The following GARNL3 variants were observed in gnomAD, a reference collection of about 807,000 sequenced individuals.
GARNL3 encodes GTPase activating Rap/RanGAP domain like 3.
In GARNL3, 63 loss-of-function variants were observed where a neutral mutation model predicts 125.0. The observed-to-expected ratio is 0.50, with a 90% CI of 0.41 to 0.62. The LOEUF (loss-of-function observed/expected upper bound fraction) is 0.62. Ranked by LOEUF, GARNL3 falls within the 20% of genes least tolerant of loss-of-function variation. The pLI, the probability that GARNL3 is intolerant of heterozygous loss-of-function variation, is 0.00. For synonymous variants in GARNL3, 439 were observed against 457.5 expected, an observed-to-expected ratio of 0.96 and a Z score of 0.52; for missense variants, 994 against 1,244.0, an observed-to-expected ratio of 0.80 and a Z score of 3.02.
At position 127,291,226 on chromosome 9, in the gene GARNL3, A is replaced by G. The variant is rs1241642760; in HGVS notation, c.203A>G (p.Asn68Ser). The G allele has an allele frequency of 1.2e-6, 2 of 1,614,004 alleles. No individual in the cohort carries two copies. Among genetic ancestry groups the G allele is most frequent in the Non-Finnish European group, 8.5e-7 (1 of 1,179,984 alleles). ...IQRAGRFRVE[N>S]GSSDENATAL... Reference sequence around the variant, plus strand: ...AGGGCTGGAAGATTCAGAGTGGAAAATGGCTCTTCAGATGAGGTAAGGAAG... The same window carrying G: ...AGGGCTGGAAGATTCAGAGTGGAAAGTGGCTCTTCAGATGAGGTAAGGAAG... The change falls in exon 2 of 28, where the codon AAT becomes AGT. Residue 68 changes from asparagine to serine, a missense_variant. Physicochemically the swap from Asn to Ser is conservative, Grantham distance 46 (BLOSUM62 1). Coordinates refer to ENST00000373387, the MANE Select transcript of GARNL3 (RefSeq NM_032293.5).
intron 2 of GARNL3, among the ~76,000 whole-genome samples, chr9:127,247,056 G>A (rs936673373): frequency 5.3e-5 from 8 of 151,158 alleles, no homozygotes; most frequent in African/African-American, 1.9e-4. Flanking sequence ...GCATTTTTGA[G>A]GAATAACAGC....
At chr9:127,258,104 A>T (rs2063523452) in intron 2 of GARNL3, among the ~76,000 whole-genome samples, 1 of 152,048 alleles carries the variant, frequency 6.6e-6, no homozygotes, top group South Asian at 2.1e-4. Flanking sequence ...GGAGTATCTA[A>T]CCACTTTATG....
rs2063221337 is a variant in GARNL3, at chr9:127,242,486, C to T, written c.-28-593C>T. 6.6e-6 allele frequency among the ~76,000 whole-genome samples: 1 copy of T among 152,212 alleles called. No individual in the cohort carries two copies. The highest frequency in any genetic ancestry group is 1.5e-5 in the Non-Finnish European group (1 of 68,044). ...TCATCGGAGAAAGGAGCAGACACAT[C>T]TCAGGAATGCATTTCTCAGTTTATT... On this transcript the variant is annotated intron_variant, in intron 1 of 10. Transcript: ENST00000439286. The surrounding 1 kb of genome is among the most constrained non-coding windows in gnomAD (Gnocchi z 4.6).
In GARNL3 at chr9:127,392,949, A is replaced by T; in HGVS notation, c.2871-134A>T. Reference sequence around the variant, plus strand: ...GGGGGTGGCATTCCAGCACTTCCCCACCTCTACCACATAACAGTGAGGGTT... The same window carrying T: ...GGGGGTGGCATTCCAGCACTTCCCCTCCTCTACCACATAACAGTGAGGGTT... On this transcript the variant is annotated intron_variant, in intron 27 of 27. Coordinates refer to ENST00000373387, the MANE Select transcript of GARNL3 (RefSeq NM_032293.5). This position sits in a 1 kb window ranked among gnomAD's most constrained non-coding sequence, Gnocchi z 5.2. 2.9e-6 allele frequency: 2 copies of T among 681,618 alleles called. No individual in the cohort carries two copies. Among genetic ancestry groups the T allele is most frequent in the Non-Finnish European group, 2.5e-6 (1 of 403,268 alleles). The allele number at this position is 681,618 out of a possible 1,614,324, so 42.2% of individuals were successfully genotyped here. A position where few individuals can be genotyped will look rare whatever the true frequency, so the allele number is the denominator to read the frequency against.
chr9:127,277,601 C>G (rs2063989185), intron 1 of GARNL3, among the ~76,000 whole-genome samples: 2 of 151,962 alleles, frequency 1.3e-5, no homozygotes, highest in East Asian at 3.9e-4. Context: ...AGTAGGTAGT[C>G]TTCAGCTTGA....
chr9:127,383,862 C>T (rs957440684), intron 23 of GARNL3, among the ~76,000 whole-genome samples: 2 of 152,122 alleles, frequency 1.3e-5, no homozygotes, highest in Non-Finnish European at 2.9e-5. Flanking sequence ...TTTCCTTTTT[C>T]TAAAATTCAA....
chr9:127,249,511 G>A (rs560457722), intron 2 of GARNL3, among the ~76,000 whole-genome samples: 26 of 152,096 alleles, frequency 1.7e-4, no homozygotes, highest in African/African-American at 4.8e-4. Context: ...ACCTGAGCCC[G>A]GGAAGTTGAG....
At chr9:127,275,345 T>A (rs1007600469) in intron 1 of GARNL3, among the ~76,000 whole-genome samples, 1 of 152,220 alleles carries the variant, frequency 6.6e-6, no homozygotes, top group African/African-American at 2.4e-5. Context: ...TAAGAGCTCT[T>A]TTTTTAGGCC....
intron 11 of GARNL3, among the ~76,000 whole-genome samples, chr9:127,337,635 A>T (rs1393658881): frequency 2.0e-5 from 3 of 152,238 alleles, no homozygotes; most frequent in Admixed American, 2.0e-4. Flanking sequence ...AGAATCTGCC[A>T]CCAGCTACAA....
chr9:127,328,806 G>A (rs1334328638), intron 7 of GARNL3, among the ~76,000 whole-genome samples: 1 of 152,184 alleles, frequency 6.6e-6, no homozygotes, highest in Non-Finnish European at 1.5e-5. Flanking sequence ...GTGACTGCCT[G>A]TTGGTTTGTA....
chr9:127,376,760 C>T (rs1823905048), intron 22 of GARNL3, among the ~76,000 whole-genome samples: 1 of 151,704 alleles, frequency 6.6e-6, no homozygotes, highest in Non-Finnish European at 1.5e-5. Context: ...TTAAAATTGT[C>T]CTAAAAAATG....
intron 1 of GARNL3, among the ~76,000 whole-genome samples, chr9:127,276,403 T>C (rs1295633937): frequency 1.3e-5 from 2 of 151,930 alleles, no homozygotes; most frequent in Non-Finnish European, 2.9e-5. Context: ...TGATTCCTTC[T>C]TGTCTGGCTG....
chr9:127,378,368 C>A (rs1259883329), intron 22 of GARNL3, among the ~76,000 whole-genome samples: 2 of 151,986 alleles, frequency 1.3e-5, no homozygotes, highest in Non-Finnish European at 2.9e-5. Flanking sequence ...GGGCAGATCA[C>A]CTGAGGTCGG....
intron 1 of GARNL3, among the ~76,000 whole-genome samples, chr9:127,272,960 G>A (rs979068504): frequency 6.6e-6 from 1 of 152,006 alleles, no homozygotes; most frequent in Non-Finnish European, 1.5e-5. Context: ...CATTAGAATG[G>A]AATCAGAAAT....
At chr9:127,281,132 A>G (rs760066765) in intron 1 of GARNL3, among the ~76,000 whole-genome samples, 2 of 152,140 alleles carry the variant, frequency 1.3e-5, no homozygotes, top group Non-Finnish European at 2.9e-5. Flanking sequence ...GTGCAGCCTG[A>G]TTAACCACAG....
chr9:127,369,836 A>G (rs1464984236), intron 22 of GARNL3, among the ~76,000 whole-genome samples: 2 of 152,176 alleles, frequency 1.3e-5, no homozygotes, highest in East Asian at 3.8e-4. Flanking sequence ...TTGTAAGGCC[A>G]TGGGGGAAGC....
intron 1 of GARNL3, among the ~76,000 whole-genome samples, chr9:127,231,399 C>T (rs1435651212): frequency 6.6e-6 from 1 of 151,896 alleles, no homozygotes; most frequent in Non-Finnish European, 1.5e-5. Flanking sequence ...AGACATATAT[C>T]TGTTGTCTTT....
At position 127,252,023 on chromosome 9, in the gene GARNL3, G is replaced by C. The variant is rs76938702; in HGVS notation, c.143+8774G>C. 5.7e-3 allele frequency among the ~76,000 whole-genome samples: 861 copies of C among 152,234 alleles called. 23 individuals carry two copies. In the East Asian group the frequency reaches 0.086, roughly 15 times the overall value. On this transcript the variant is annotated intron_variant, in intron 2 of 10. Transcript: ENST00000439286. The stretch of plus-strand genomic sequence containing the variant: ...ACATATACCTTCCAATAAGTTACCA[G>C]CTCTAGAAACCCCAAACCCTTTTTC...
At chr9:127,360,332 A>C (rs980680671) in intron 21 of GARNL3, among the ~76,000 whole-genome samples, 1 of 152,060 alleles carries the variant, frequency 6.6e-6, no homozygotes, top group Admixed American at 6.5e-5. Context: ...AAGAAAAAAA[A>C]GTTTTTAAGG....
Sources: allele counts gnomAD v4.1 joint callset (sites outside exome capture counted in the v4.1 genomes callset), GRCh38; gene constraint gnomAD v4.1.1; non-coding constraint Gnocchi (gnomAD v3.1); transcripts MANE v1.5; gene names NCBI Gene and HGNC (gene_info 2026-07-23, HGNC 2026-07-21).